Variants in SH3KBP1 observed in about 807,000 individuals in gnomAD.
The protein encoded by SH3KBP1 is SH3 domain containing kinase binding protein 1, also known as SH3 domain-containing kinase-binding protein 1.
Under a neutral mutation model 50.1 loss-of-function variants are expected in SH3KBP1, and 8 were observed. That is an observed-to-expected ratio of 0.16 (90% confidence interval 0.09 to 0.29). The LOEUF (loss-of-function observed/expected upper bound fraction) is 0.29, where lower values mean the gene tolerates loss of function less well. Among genes scored for constraint, SH3KBP1 ranks in the 10% least tolerant of loss-of-function variants. SH3KBP1 has a pLI of 1.00. For synonymous variants in SH3KBP1, 227 were observed against 218.6 expected (o/e 1.04, Z -0.34); for missense variants, 377 against 535.2 (o/e 0.70, Z 2.92).
chrX:19,632,482 T>A (rs2061600856), intron 7 of SH3KBP1, among the ~76,000 whole-genome samples: 1 of 112,903 alleles, frequency 8.9e-6, no homozygotes, highest in Non-Finnish European at 1.9e-5. Flanking sequence ...TATTTCTATG[T>A]AAGCACATGC....
At chrX:19,557,421 A>T (rs1474272387) in intron 13 of SH3KBP1, among the ~76,000 whole-genome samples, 1 of 111,971 alleles carries the variant, frequency 8.9e-6, no homozygotes, top group Non-Finnish European at 1.9e-5. Flanking sequence ...TCATTAATTC[A>T]ATCAAACATT....
intron 2 of SH3KBP1, among the ~76,000 whole-genome samples, chrX:19,748,124 C>T (rs1361503604): frequency 8.9e-6 from 1 of 112,056 alleles, no homozygotes; most frequent in Non-Finnish European, 1.9e-5. Context: ...AACAGTTGCT[C>T]AAACCTCATT....
intron 7 of SH3KBP1, among the ~76,000 whole-genome samples, chrX:19,642,148 G>A (rs936071102): frequency 1.8e-5 from 2 of 111,743 alleles, no homozygotes; most frequent in East Asian, 2.8e-4. Flanking sequence ...TGGTGCTAAC[G>A]GCTTTTAAAA....
chrX:19,791,558 G>T, intron 2 of SH3KBP1, among the ~76,000 whole-genome samples: 1 of 107,540 alleles, frequency 9.3e-6, no homozygotes. Context: ...AAAACCAAGA[G>T]GGAGGGGAGT....
chrX:19,825,738 G>T (rs2067652633), intron 2 of SH3KBP1, among the ~76,000 whole-genome samples: 1 of 111,570 alleles, frequency 9.0e-6, no homozygotes, highest in African/African-American at 3.3e-5. Flanking sequence ...GCCAGGCGTG[G>T]TGGTGCACGC....
chrX:19,580,467 C>T (rs776819940), intron 12 of SH3KBP1, among the ~76,000 whole-genome samples: 1 of 111,491 alleles, frequency 9.0e-6, no homozygotes, highest in African/African-American at 3.3e-5. Flanking sequence ...CGACTGGGAT[C>T]ACCAAGGGCC....
intron 1 of SH3KBP1, among the ~76,000 whole-genome samples, chrX:19,845,034 G>A (rs1398935137): frequency 2.7e-5 from 3 of 110,984 alleles, no homozygotes; most frequent in Admixed American, 9.5e-5. Context: ...AGCCAAGACG[G>A]CACCACTGCA....
intron 8 of SH3KBP1, among the ~76,000 whole-genome samples, chrX:19,614,011 G>C (rs2067520669): frequency 8.8e-6 from 1 of 113,049 alleles, no homozygotes; most frequent in Admixed American, 9.3e-5. Flanking sequence ...ATGTGACCAG[G>C]AGAGCTGCTT....
intron 2 of SH3KBP1, among the ~76,000 whole-genome samples, chrX:19,757,782 C>A (rs1346210687): frequency 9.0e-6 from 1 of 111,073 alleles, no homozygotes; most frequent in Non-Finnish European, 1.9e-5. Context: ...ATGATTGAGA[C>A]TTGTCTCATC....
chrX:19,736,930 G>A lies in SH3KBP1; in HGVS notation c.286+9388C>T, dbSNP rs187518759. The stretch of plus-strand genomic sequence containing the variant: ...ACTTTTTTTTTTTTTTTTTTGAGAC[G>A]GGTTCTCGCTCTGTCACCCAGGCTG... On this transcript the variant is annotated intron_variant, in intron 3 of 17. Coordinates refer to ENST00000397821, the MANE Select transcript of SH3KBP1 (RefSeq NM_031892.3). 2.4e-4 allele frequency among the ~76,000 whole-genome samples: 24 copies of A among 99,143 alleles called. 1 individual carries two copies. The highest frequency in any genetic ancestry group is 4.9e-4 in the South Asian group (1 of 2,029). 86.1% of individuals were successfully genotyped at this position (99,143 alleles called of 115,157 possible).
At chrX:19,844,509 G>A (rs1002561255) in intron 1 of SH3KBP1, among the ~76,000 whole-genome samples, 1 of 111,994 alleles carries the variant, frequency 8.9e-6, no homozygotes, top group Admixed American at 9.5e-5. Context: ...GGCCTCTCAA[G>A]TTACTGTGAT....
intron 15 of SH3KBP1, among the ~76,000 whole-genome samples, chrX:19,545,693 A>G (rs2065062348): frequency 8.9e-6 from 1 of 112,152 alleles, no homozygotes; most frequent in Non-Finnish European, 1.9e-5. Flanking sequence ...AGAGGAGATC[A>G]AACCACAAGA....
At chrX:19,729,816 A>T (rs748131041) in intron 3 of SH3KBP1, among the ~76,000 whole-genome samples, 7 of 111,904 alleles carry the variant, frequency 6.3e-5, no homozygotes, top group Non-Finnish European at 1.1e-4. Flanking sequence ...CTTCAACATT[A>T]ATGTGAATTG....
chrX:19,666,486 C>T (rs945675640), intron 6 of SH3KBP1, among the ~76,000 whole-genome samples: 1 of 110,572 alleles, frequency 9.0e-6, no homozygotes, highest in African/African-American at 3.3e-5. Flanking sequence ...TTCCTTTAAG[C>T]GATTTGTAGT....
intron 5 of SH3KBP1, among the ~76,000 whole-genome samples, chrX:19,690,726 C>A (rs988530986): frequency 4.4e-5 from 5 of 112,467 alleles, no homozygotes; most frequent in Non-Finnish European, 9.4e-5. Flanking sequence ...ATTATTTAGT[C>A]AACAGTAGCA....
chrX:19,550,133 C>A (rs181480308), intron 13 of SH3KBP1, 50 bp from the exon 14 acceptor site: 2 of 791,637 alleles, frequency 2.5e-6, no homozygotes, highest in East Asian at 6.3e-5. Context: ...AGCAAAGACT[C>A]TTATGATATG....
At chrX:19,636,491 G>C (rs965563007) in intron 7 of SH3KBP1, among the ~76,000 whole-genome samples, 11 of 111,347 alleles carry the variant, frequency 9.9e-5, no homozygotes, top group African/African-American at 3.6e-4. Flanking sequence ...CAAATTTTAA[G>C]AAGCTTGCTC....
intron 6 of SH3KBP1, among the ~76,000 whole-genome samples, chrX:19,679,420 C>T (rs2062996742): frequency 9.0e-6 from 1 of 111,405 alleles, no homozygotes; most frequent in African/African-American, 3.3e-5. Context: ...AAAAGTATTC[C>T]CATTTTACAG....
intron 3 of SH3KBP1, among the ~76,000 whole-genome samples, chrX:19,736,419 C>A (rs2064577487): frequency 8.9e-6 from 1 of 112,333 alleles, no homozygotes; most frequent in Non-Finnish European, 1.9e-5. Flanking sequence ...TCTGGGTCCT[C>A]CCAACAGCCA....
Sources: gnomAD v4.1 joint callset for allele counts (sites outside exome capture counted in the v4.1 genomes callset) on GRCh38, gnomAD v4.1.1 for gene constraint, MANE v1.5 for transcripts, NCBI Gene and HGNC (gene_info 2026-07-23, HGNC 2026-07-21) for gene names.